Variants in ETV1 observed in about 807,000 individuals in gnomAD.
The protein encoded by ETV1 is ETS variant transcription factor 1, also known as ETS translocation variant 1.
ETV1 carries 27 observed loss-of-function variants against 62.3 expected under a neutral mutation model. The observed-to-expected ratio is 0.43, with a 90% CI of 0.32 to 0.60. The LOEUF (loss-of-function observed/expected upper bound fraction) is 0.60. Among genes scored for constraint, ETV1 ranks in the 20% least tolerant of loss-of-function variants. The pLI is 0.06. For missense variants in ETV1, 605 were observed against 605.8 expected, an observed-to-expected ratio of 1.00 and a Z score of 0.01; for synonymous variants, 222 against 199.6, an observed-to-expected ratio of 1.11 and a Z score of -0.94.
chr7:13,986,479 AG>A, intron 5 of ETV1, 158 bp downstream of exon 5: 1 of 1,507,714 alleles, frequency 6.6e-7, no homozygotes, highest in Non-Finnish European at 8.8e-7. Context: ...GAGTCCCCAA[AG>A]ACAAACTCAT....
intron 3 of ETV1, 149 bp from the exon 4 acceptor site, chr7:13,988,322 C>A: frequency 1.7e-6 from 1 of 599,540 alleles, no homozygotes; most frequent in South Asian, 2.2e-5. Context: ...ATAGTATCAA[C>A]TCTAATATTC....
At chr7:13,922,495 C>T (rs966152828) in intron 9 of ETV1, among the ~76,000 whole-genome samples, 1 of 152,042 alleles carries the variant, frequency 6.6e-6, no homozygotes, top group Non-Finnish European at 1.5e-5. Context: ...ACCTGTAATC[C>T]CAACTACAGT....
chr7:13,893,062 T>C lies in ETV1; in HGVS notation c.*2804A>G, dbSNP rs889134597. ...TTGTGGATTTTTATTCTGAAGCACT[T>C]TTCATGGACATAACAAGAAAAATTA... On this transcript the variant is annotated 3_prime_UTR_variant, in exon 14 of 14. Transcript: ENST00000430479. The C allele has an allele frequency of 8.6e-6, 2 of 232,754 alleles. No individual in the cohort carries two copies. The highest frequency in any genetic ancestry group is 1.1e-4 in the Admixed American group (2 of 17,754). 14.4% of individuals were successfully genotyped at this position (232,754 alleles called of 1,614,324 possible).
intron 2 of ETV1, 58 bp downstream of exon 2, chr7:13,989,210 A>C: frequency 1.6e-6 from 1 of 630,962 alleles, no homozygotes; most frequent in Non-Finnish European, 2.7e-6. Context: ...TTGCATAGCT[A>C]ATTACCCTCC....
intron 9 of ETV1, among the ~76,000 whole-genome samples, chr7:13,916,417 C>T (rs983256458): frequency 3.3e-5 from 5 of 149,338 alleles, no homozygotes; most frequent in Non-Finnish European, 6.0e-5. Flanking sequence ...GTGGGCGGAT[C>T]GCCTGAGGTC....
intron 9 of ETV1, among the ~76,000 whole-genome samples, chr7:13,914,369 C>A (rs1360692407): frequency 6.6e-6 from 1 of 151,864 alleles, no homozygotes; most frequent in East Asian, 1.9e-4. Flanking sequence ...TTAGTACTGG[C>A]CAAATCAGCT....
chr7:13,911,853 T>C (rs529119049), intron 9 of ETV1, among the ~76,000 whole-genome samples: 13 of 152,330 alleles, frequency 8.5e-5, no homozygotes, highest in African/African-American at 3.1e-4. Context: ...GATATCTGCA[T>C]TTATAATAGG....
chr7:13,903,246 A>G (rs918811234), intron 12 of ETV1, among the ~76,000 whole-genome samples: 7 of 152,222 alleles, frequency 4.6e-5, no homozygotes, highest in East Asian at 1.9e-4. Context: ...TGATAGCACT[A>G]TGGCATTCAC....
intron 6 of ETV1, among the ~76,000 whole-genome samples, chr7:13,971,035 G>T (rs563758822): frequency 5.3e-5 from 8 of 152,050 alleles, no homozygotes; most frequent in African/African-American, 1.9e-4. Context: ...GCGATGGCAC[G>T]ATCTTGGCTC....
At position 13,931,563 on chromosome 7, in the gene ETV1, G is replaced by C; in HGVS notation, c.741C>G (p.Ser247Arg). 1 of 1,614,048 alleles carries C rather than the reference G, an allele frequency of 6.2e-7. No individual in the cohort carries two copies. Among genetic ancestry groups the C allele is most frequent in the Admixed American group, 1.7e-5 (1 of 60,034 alleles). Residue 247 changes from serine to arginine, a missense_variant, in exon 9 of 14, where the codon AGC (serine) becomes AGG (arginine). Ser to Arg is a moderately radical substitution (Grantham distance 110). Coordinates refer to ENST00000430479, the MANE Select transcript of ETV1 (RefSeq NM_004956.5). ...TCATCAGAGGAGGGGGAAAGCTTTG[G>C]CTGGCCGCACTGCCAACCATGGTGT... ...EHNTMVGSAA[S>R]QSFPPPLMIK...
intron 9 of ETV1, among the ~76,000 whole-genome samples, chr7:13,924,775 G>T (rs904882024): frequency 6.6e-6 from 1 of 152,134 alleles, no homozygotes; most frequent in African/African-American, 2.4e-5. Flanking sequence ...TACTTCATTT[G>T]GATGAACCTC....
In ETV1 at chr7:13,935,600, A is replaced by T. The variant is rs1786711446; in HGVS notation, c.554+108T>A. On this transcript the variant is annotated intron_variant, in intron 8 of 13. Transcript: ENST00000430479. ...AAAAATATTTTGCACAGATGTGCAAAATTAATAGGCTCACCTTAAATCTAC... is the reference window on the plus strand; with the variant it reads ...AAAAATATTTTGCACAGATGTGCAATATTAATAGGCTCACCTTAAATCTAC... 7.7e-6 allele frequency: 7 copies of T among 911,400 alleles called. 1 individual carries two copies. The highest frequency in any genetic ancestry group is 3.3e-5 in the African/African-American group (2 of 60,040). 56.5% of individuals were successfully genotyped at this position (911,400 alleles called of 1,614,324 possible). A position where few individuals can be genotyped will look rare whatever the true frequency, so the allele number is the denominator to read the frequency against.
intron 6 of ETV1, among the ~76,000 whole-genome samples, chr7:13,968,494 T>G (rs73278709): frequency 0.024 from 3,704 of 151,204 alleles, 148 homozygotes; most frequent in African/African-American, 0.084. Context: ...TGTAATTTTC[T>G]CACTGTAAGT....
At chr7:13,910,228 C>CCTT (rs1783423981) in intron 10 of ETV1, among the ~76,000 whole-genome samples, 1 of 120,222 alleles carries the variant, frequency 8.3e-6, no homozygotes, top group African/African-American at 3.1e-5. Flanking sequence ...AAAAGTTTCC[C>CCTT]TTTTTTTTTT....
Position 13,961,781 on chromosome 7 carries a change from G to A in ETV1, c.235+15646C>T, listed in dbSNP as rs908234077. 4.6e-5 allele frequency among the ~76,000 whole-genome samples: 7 copies of A among 152,224 alleles called. 1 individual carries two copies. The South Asian group carries it at 8.3e-4, about 18-fold the overall frequency. ...TATTACAAGTATCAGAATGTTTCCA[G>A]TGCAACACTTTTTGTTTTTGAATTC... On this transcript the variant is annotated intron_variant, in intron 6 of 13. Transcript: ENST00000430479.
rs1040149754 is a variant in ETV1, at chr7:13,893,073, T to C, written c.*2793A>G. The C allele has an allele frequency of 1.3e-5, 3 of 232,744 alleles. No homozygotes were observed. Among genetic ancestry groups the C allele is most frequent in the African/African-American group, 6.6e-5 (3 of 45,350 alleles). 14.4% of individuals were successfully genotyped at this position (232,744 alleles called of 1,614,324 possible). ...TATTCTGAAGCACTTTTCATGGACATAACAAGAAAAATTATTTTTACTTAG... is the reference window on the plus strand; with the variant it reads ...TATTCTGAAGCACTTTTCATGGACACAACAAGAAAAATTATTTTTACTTAG... On this transcript the variant is annotated 3_prime_UTR_variant, in exon 14 of 14. Coordinates refer to ENST00000430479, the MANE Select transcript of ETV1 (RefSeq NM_004956.5).
intron 6 of ETV1, among the ~76,000 whole-genome samples, chr7:13,964,716 C>T (rs577153938): frequency 7.4e-4 from 112 of 151,536 alleles, no homozygotes; most frequent in African/African-American, 2.7e-3. Flanking sequence ...TTTCTTATTC[C>T]AGTATCTGGA....
intron 9 of ETV1, among the ~76,000 whole-genome samples, chr7:13,917,240 A>G (rs1239081152): frequency 6.6e-6 from 1 of 152,078 alleles, no homozygotes; most frequent in Non-Finnish European, 1.5e-5. Flanking sequence ...CTGAAATTTT[A>G]AAATAAAGTT....
rs549438879 is a variant in ETV1, at chr7:13,928,914, C to T, written c.802+2588G>A. Among the ~76,000 whole-genome samples the T allele has an allele frequency of 7.2e-5, 11 of 151,982 alleles. No homozygotes were observed. In the South Asian group the frequency reaches 2.3e-3, roughly 32 times the overall value. ...CGGAGGTTGCAGTGAGCTGAGAATA[C>T]ACCACTGCACTCAAGCCTGGGCGAC... On this transcript the variant is annotated intron_variant, in intron 9 of 13. Coordinates refer to ENST00000430479, the MANE Select transcript of ETV1 (RefSeq NM_004956.5).
Sources: allele counts gnomAD v4.1 joint callset (sites outside exome capture counted in the v4.1 genomes callset), GRCh38; gene constraint gnomAD v4.1.1; transcripts MANE v1.5; gene names NCBI Gene and HGNC (gene_info 2026-07-23, HGNC 2026-07-21).